Variants in SVEP1 observed in about 807,000 individuals in gnomAD.
The protein encoded by SVEP1 is sushi, von Willebrand factor type A, EGF and pentraxin domain-containing protein 1.
Under a neutral mutation model 367.3 loss-of-function variants are expected in SVEP1, and 164 were observed. The ratio of observed to expected loss-of-function variants is 0.45; its 90% CI spans 0.39 to 0.51. The LOEUF is 0.51. Ranked by LOEUF, SVEP1 falls within the 20% of genes least tolerant of loss-of-function variation. The probability of loss-of-function intolerance (pLI) is 0.00; values close to 1 mark genes in which losing one functional copy is unlikely to be tolerated. For missense variants in SVEP1, 4,117 were observed against 4,425.3 expected (o/e 0.93, Z 1.98); for synonymous variants, 1,666 against 1,611.6 (o/e 1.03, Z -0.81).
chr9:110,472,089 T>C, intron 15 of SVEP1, 70 bp downstream of exon 15: 1 of 1,436,498 alleles, frequency 7.0e-7, no homozygotes, highest in East Asian at 2.3e-5. Flanking sequence ...AAATGGAAGA[T>C]TTGAGAAGCA....
chr9:110,472,887 A>C (rs1227593485), intron 14 of SVEP1, among the ~76,000 whole-genome samples: 1 of 152,178 alleles, frequency 6.6e-6, no homozygotes, highest in Non-Finnish European at 1.5e-5. Context: ...AATTCTCTAG[A>C]TGCCCTTGAT....
intron 18 of SVEP1, among the ~76,000 whole-genome samples, chr9:110,464,859 G>A (rs1828910843): frequency 6.6e-6 from 1 of 152,174 alleles, no homozygotes. Flanking sequence ...TATTGACTTT[G>A]CAAATTACAG....
intron 37 of SVEP1, 104 bp from the exon 38 acceptor site, chr9:110,409,055 G>T: frequency 8.0e-7 from 1 of 1,244,236 alleles, no homozygotes; most frequent in Non-Finnish European, 1.1e-6. Context: ...ATGTTAAAAT[G>T]AATCAATTAG....
At chr9:110,491,777 G>T (rs1829370393) in intron 8 of SVEP1, among the ~76,000 whole-genome samples, 2 of 151,902 alleles carry the variant, frequency 1.3e-5, no homozygotes, top group Admixed American at 6.6e-5. Context: ...AGAAATTAGA[G>T]ATATAACTTA....
intron 1 of SVEP1, among the ~76,000 whole-genome samples, chr9:110,554,712 G>A (rs570742238): frequency 1.7e-4 from 24 of 145,096 alleles, no homozygotes; most frequent in African/African-American, 6.3e-4. Flanking sequence ...ACATTTATGT[G>A]TATGTATAGA....
intron 5 of SVEP1, among the ~76,000 whole-genome samples, chr9:110,505,674 TTCTC>T (rs755258536): frequency 1.2e-4 from 18 of 151,882 alleles, no homozygotes; most frequent in Admixed American, 5.2e-4. Flanking sequence ...CTTTTTTAAA[TTCTC>T]TCTCTCTCTC....
intron 1 of SVEP1, among the ~76,000 whole-genome samples, chr9:110,577,569 T>C (rs1188066763): frequency 6.6e-6 from 1 of 152,056 alleles, no homozygotes; most frequent in Non-Finnish European, 1.5e-5. Context: ...TATGAACAAA[T>C]ATAGGATCTT....
At chr9:110,436,582 A>C in intron 27 of SVEP1, 78 bp from the exon 28 acceptor site, 1 of 1,501,334 alleles carries the variant, frequency 6.7e-7, no homozygotes, top group Non-Finnish European at 8.9e-7. Context: ...AATTTAATGA[A>C]AGCACGACTG....
intron 35 of SVEP1, among the ~76,000 whole-genome samples, chr9:110,427,991 C>A (rs1828280805): frequency 6.6e-6 from 1 of 152,146 alleles, no homozygotes; most frequent in Non-Finnish European, 1.5e-5. Flanking sequence ...TCACTTGGTG[C>A]ATAGTAAAAT....
chr9:110,382,669 G>T (rs6477763), intron 43 of SVEP1, among the ~76,000 whole-genome samples: 130,444 of 152,094 alleles, frequency 0.86, 56,350 homozygotes, highest in African/African-American at 0.96. Flanking sequence ...GTTTTCCAAG[G>T]TGGTTCTATA....
At chr9:110,378,149 C>T (rs1019262108) in intron 44 of SVEP1, among the ~76,000 whole-genome samples, 1 of 152,130 alleles carries the variant, frequency 6.6e-6, no homozygotes, top group Non-Finnish European at 1.5e-5. Context: ...CATCTATCAA[C>T]ATACATTTTT....
At chr9:110,572,052 G>A (rs1830569398) in intron 1 of SVEP1, among the ~76,000 whole-genome samples, 1 of 152,064 alleles carries the variant, frequency 6.6e-6, no homozygotes, top group Non-Finnish European at 1.5e-5. Context: ...CACTGGACAT[G>A]GAATCCCCTA....
In SVEP1 at chr9:110,549,827, GAT is replaced by G. The variant is rs763239645; in HGVS notation, c.787+20_787+21del. On this transcript the variant is annotated intron_variant, in intron 2 of 47. Transcript: ENST00000374469. The stretch of plus-strand genomic sequence containing the variant: ...AAGCCTCATTTAAAAGTACCTTTGT[GAT>G]GCCATTAGGTTTCCATTACCTTCAT... 1 of 1,611,172 alleles carries G rather than the reference GAT, an allele frequency of 6.2e-7. No individual in the cohort carries two copies. Among genetic ancestry groups the G allele is most frequent in the South Asian group, 1.1e-5 (1 of 90,800 alleles).
chr9:110,539,171 G>C (rs1402697403), intron 3 of SVEP1, among the ~76,000 whole-genome samples: 6 of 151,984 alleles, frequency 3.9e-5, no homozygotes, highest in Non-Finnish European at 7.4e-5. Context: ...AAGCAGTGGG[G>C]ATACCAAACG....
chr9:110,408,793 C>A lies in SVEP1; in HGVS notation c.6807G>T (p.Pro2269=), dbSNP rs373455337. Residue 2269 remains proline, a synonymous_variant, in exon 38 of 48, where the codon CCG becomes CCT. Coordinates refer to ENST00000374469, the MANE Select transcript of SVEP1 (RefSeq NM_153366.4). ...CVPLDCGKPP[P]IQNGFMKGEN... is the part of the protein sequence containing the mutation. ...CTCCTTTCATGAAGCCATTCTGGAT[C>A]GGGGGAGGTTTTCCACAGTCGAGAG... 2 of 1,612,926 alleles carry A rather than the reference C, an allele frequency of 1.2e-6. No homozygotes were observed. The highest frequency in any genetic ancestry group is 1.3e-5 in the African/African-American group (1 of 74,896).
chr9:110,395,062 A>G (rs1390611049), intron 40 of SVEP1, among the ~76,000 whole-genome samples: 1 of 152,242 alleles, frequency 6.6e-6, no homozygotes, highest in Non-Finnish European at 1.5e-5. Flanking sequence ...AGATTCACCA[A>G]AGTTGAAATG....
intron 40 of SVEP1, among the ~76,000 whole-genome samples, chr9:110,395,384 C>G (rs62571899): frequency 2.0e-5 from 3 of 150,866 alleles, no homozygotes; most frequent in African/African-American, 4.9e-5. Flanking sequence ...ACCAGTACCA[C>G]CCACTGCAAA....
Position 110,546,228 on chromosome 9 carries a change from C to T in SVEP1, c.851G>A (p.Gly284Asp), listed in dbSNP as rs1422278760. 1.3e-6 allele frequency: 2 copies of T among 1,588,604 alleles called. No homozygotes were observed. Among genetic ancestry groups the T allele is most frequent in the Non-Finnish European group, 1.7e-6 (2 of 1,166,968 alleles). Reference protein sequence around the residue: ...MVHCSYLCDEGKDCCDRMGSC... With the variant: ...MVHCSYLCDEDKDCCDRMGSC... ...TCCCATTCGGTCACAGCAGTCCTTG[C>T]CTTCATCACAAAGATATGAGCAGTG... The change falls in exon 3 of 48, where the codon GGC becomes GAC. Residue 284 changes from glycine to aspartate, a missense_variant. Around this residue, in one of 4 missense-constraint regions of SVEP1, gnomAD observed 2,174 missense variants for 2,494.3 expected, o/e 0.87. Transcript: ENST00000374469.
chr9:110,440,977 C>T (rs1178329025), intron 27 of SVEP1, among the ~76,000 whole-genome samples: 6 of 152,164 alleles, frequency 3.9e-5, no homozygotes, highest in Non-Finnish European at 2.9e-5. Context: ...CATTTTAACT[C>T]GTCCGGAATT....
Sources: allele counts gnomAD v4.1 joint callset (sites outside exome capture counted in the v4.1 genomes callset), GRCh38; gene constraint gnomAD v4.1.1; regional missense constraint gnomAD v4.1.1; transcripts MANE v1.5; gene names NCBI Gene and HGNC (gene_info 2026-07-23, HGNC 2026-07-21).